Variants in NMNAT1 observed in about 807,000 individuals in gnomAD.
The protein encoded by NMNAT1 is nicotinamide nucleotide adenylyltransferase 1.
NMNAT1 carries 11 observed loss-of-function variants against 16.7 expected under a neutral mutation model. The observed-to-expected ratio is 0.66, with a 90% CI of 0.41 to 1.09. The LOEUF is 1.09. Ranked by LOEUF, NMNAT1 falls within the 50% of genes least tolerant of loss-of-function variation. NMNAT1 has a pLI of 0.00. For synonymous variants in NMNAT1, 110 were observed against 119.8 expected, an observed-to-expected ratio of 0.92 and a Z score of 0.53; for missense variants, 280 against 332.3, an observed-to-expected ratio of 0.84 and a Z score of 1.22.
chr1:9,943,945 G>A lies in NMNAT1; in HGVS notation c.-57+430G>A, dbSNP rs538892229. ...CTCCTTGAGAAGGAGGTAATGAGCT[G>A]TAGGGCAGCTCTTAAAAAGTTACCC... On this transcript the variant is annotated intron_variant, in intron 1 of 4. Transcript: ENST00000377205. 6.1e-4 allele frequency among the ~76,000 whole-genome samples: 93 copies of A among 152,230 alleles called. 1 individual carries two copies. The highest frequency in any genetic ancestry group is 6.8e-3 in the Middle Eastern group (2 of 294).
chr1:9,996,367 A>G, the NMNAT1 span, among the ~76,000 whole-genome samples: 4 of 152,114 alleles, frequency 2.6e-5, no homozygotes, highest in East Asian at 7.7e-4. Context: ...AAGAAAAAAA[A>G]TAAAAATAAA....
intron 1 of NMNAT1, among the ~76,000 whole-genome samples, chr1:9,955,068 T>C (rs1236554868): frequency 6.6e-6 from 1 of 152,128 alleles, no homozygotes; most frequent in Non-Finnish European, 1.5e-5. Flanking sequence ...GTGGATCACC[T>C]GAGGTCAGGA....
chr1:9,956,766 C>T (rs1206308497), intron 1 of NMNAT1, among the ~76,000 whole-genome samples: 15 of 138,986 alleles, frequency 1.1e-4, no homozygotes, highest in Admixed American at 6.8e-4. Flanking sequence ...GAGTCTCGCT[C>T]TGTCACCCAG....
intron 1 of NMNAT1, among the ~76,000 whole-genome samples, chr1:9,968,080 G>GT (rs6143117): frequency 3.4e-5 from 4 of 117,768 alleles, no homozygotes; most frequent in South Asian, 2.8e-4. Context: ...TTTTTTTTTT[G>GT]TTTTTTTTTG....
intron 1 of NMNAT1, among the ~76,000 whole-genome samples, chr1:9,969,750 C>G (rs1641646370): frequency 6.6e-6 from 1 of 151,538 alleles, no homozygotes; most frequent in Admixed American, 6.6e-5. Flanking sequence ...GACTCTGTCT[C>G]AAAAAAATAA....
At chr1:9,963,650 G>A (rs1338004147) in intron 1 of NMNAT1, among the ~76,000 whole-genome samples, 2 of 151,606 alleles carry the variant, frequency 1.3e-5, no homozygotes, top group African/African-American at 2.4e-5. Context: ...CTCGTGATCC[G>A]CCCACCTCAG....
Position 9,959,770 on chromosome 1 carries a change from T to G in NMNAT1, c.-56-12248T>G, listed in dbSNP as rs534282124. Among the ~76,000 whole-genome samples the G allele has an allele frequency of 5.3e-5, 8 of 152,278 alleles. No individual in the cohort carries two copies. The East Asian group carries it at 1.5e-3, about 29-fold the overall frequency. On this transcript the variant is annotated intron_variant, in intron 1 of 4. Transcript: ENST00000377205. The stretch of plus-strand genomic sequence containing the variant: ...TGTAAACTATTAAATTCACCTTGAT[T>G]ATTTTATTAATTGGGTTTAGCACTG...
downstream of NMNAT1, among the ~76,000 whole-genome samples, chr1:9,989,884 A>G (rs564351725): frequency 6.6e-6 from 1 of 152,250 alleles, no homozygotes; most frequent in South Asian, 2.1e-4. Context: ...GGTTGCAGGC[A>G]CCCTCACCAG....
chr1:9,963,947 TG>T (rs1055469821), intron 1 of NMNAT1, among the ~76,000 whole-genome samples: 1 of 151,536 alleles, frequency 6.6e-6, no homozygotes, highest in Non-Finnish European at 1.5e-5. Flanking sequence ...GCTGGAGTGC[TG>T]AGGCGTGATC....
chr1:9,980,034 C>T (rs1474942214), intron 3 of NMNAT1, among the ~76,000 whole-genome samples: 3 of 151,206 alleles, frequency 2.0e-5, no homozygotes, highest in Non-Finnish European at 2.9e-5. Context: ...TGGGTTCAAG[C>T]GATTCTCCTG....
chr1:9,990,398 T>C (rs906547600), downstream of NMNAT1, among the ~76,000 whole-genome samples: 21 of 152,264 alleles, frequency 1.4e-4, no homozygotes, highest in South Asian at 4.1e-4. Flanking sequence ...TCCTCATGGC[T>C]CCCCATGGCT....
intron 2 of NMNAT1, among the ~76,000 whole-genome samples, chr1:9,972,697 C>T (rs1424888034): frequency 1.3e-5 from 2 of 152,108 alleles, no homozygotes; most frequent in Non-Finnish European, 2.9e-5. Flanking sequence ...GTGGCTCACA[C>T]CTGTAATCCC....
intron 1 of NMNAT1, among the ~76,000 whole-genome samples, chr1:9,964,330 A>T (rs1360665295): frequency 6.6e-6 from 1 of 151,376 alleles, no homozygotes; most frequent in African/African-American, 2.4e-5. Context: ...CACTTCCCAA[A>T]GTGGGAAGCA....
intron 3 of NMNAT1, among the ~76,000 whole-genome samples, chr1:9,980,416 C>T (rs1641914648): frequency 1.3e-5 from 2 of 149,046 alleles, no homozygotes; most frequent in Admixed American, 1.4e-4. Flanking sequence ...GTCAGAAGTT[C>T]AAGACCAGCC....
chr1:9,949,924 A>G (rs566456657), intron 1 of NMNAT1: 1 of 152,252 alleles, frequency 6.6e-6, no homozygotes, highest in East Asian at 1.9e-4. Flanking sequence ...ACTTAACTTC[A>G]TTGAACAAAA....
intron 1 of NMNAT1, among the ~76,000 whole-genome samples, chr1:9,959,031 T>G (rs1007985406): frequency 2.6e-5 from 4 of 152,192 alleles, no homozygotes; most frequent in African/African-American, 9.6e-5. Context: ...GCTCAAAGCA[T>G]TTTTGAAATT....
chr1:9,971,829 G>A (rs887698762), intron 1 of NMNAT1, among the ~76,000 whole-genome samples, 189 bp from the exon 2 acceptor site: 1 of 152,006 alleles, frequency 6.6e-6, no homozygotes, highest in African/African-American at 2.4e-5. Flanking sequence ...TAATTAGCCA[G>A]CCTATTGGTA....
chr1:9,987,899 G>T (rs1450752837), downstream of NMNAT1, among the ~76,000 whole-genome samples: 2 of 152,092 alleles, frequency 1.3e-5, no homozygotes, highest in Non-Finnish European at 1.5e-5. Flanking sequence ...CCACACTTTT[G>T]TTGAGACAAT....
intron 1 of NMNAT1, among the ~76,000 whole-genome samples, chr1:9,955,418 A>C (rs1641234446): frequency 6.7e-6 from 1 of 149,890 alleles, no homozygotes; most frequent in African/African-American, 2.4e-5. Context: ...AAAAAAAAAA[A>C]AAAAGAAAGA....
Sources: allele counts gnomAD v4.1 joint callset (sites outside exome capture counted in the v4.1 genomes callset), GRCh38; gene constraint gnomAD v4.1.1; transcripts MANE v1.5; gene names NCBI Gene and HGNC (gene_info 2026-07-23, HGNC 2026-07-21).